PLCXD3: variants seen among roughly 807,000 people sequenced by gnomAD.
PLCXD3 encodes phosphatidylinositol specific phospholipase C X domain containing 3, also known as PI-PLC X domain-containing protein 3.
PLCXD3 carries 19 observed loss-of-function variants against 25.5 expected under a neutral mutation model. That is an observed-to-expected ratio of 0.75 (90% CI 0.52 to 1.09). The LOEUF is 1.09. PLCXD3 is among the 50% of genes least tolerant of loss of function. The probability of loss-of-function intolerance (pLI) is 0.00; values close to 1 mark genes in which losing one functional copy is unlikely to be tolerated. For missense variants in PLCXD3, 411 were observed against 388.1 expected, an observed-to-expected ratio of 1.06 and a Z score of -0.50; for synonymous variants, 174 against 137.6, an observed-to-expected ratio of 1.26 and a Z score of -1.85.
chr5:41,447,082 G>C (rs1193429174), intron 1 of PLCXD3, among the ~76,000 whole-genome samples: 1 of 152,160 alleles, frequency 6.6e-6, no homozygotes, highest in Non-Finnish European at 1.5e-5. Flanking sequence ...AGGTCAGAAA[G>C]CGTCATGAAG....
rs1744433744 is a variant in PLCXD3 at position 41,350,677 on chromosome 5, G to A, written c.812+31149C>T. Among the ~76,000 whole-genome samples the A allele has an allele frequency of 2.0e-5, 3 of 152,240 alleles. No individual in the cohort carries two copies. In the South Asian group the frequency reaches 6.2e-4, roughly 32 times the overall value. ...CAATTCTTTCCCAAGACAAGGTCAA[G>A]AAAAATTTCCCGAGTGTCCACCTAG... is the stretch of plus-strand genomic sequence containing the variant. On this transcript the variant is annotated intron_variant, in intron 2 of 2. Transcript: ENST00000377801.
chr5:41,470,537 A>G (rs1222447648), intron 1 of PLCXD3, among the ~76,000 whole-genome samples: 1 of 152,074 alleles, frequency 6.6e-6, no homozygotes, highest in Non-Finnish European at 1.5e-5. Flanking sequence ...TCCCCCTAAA[A>G]CTGAAAGGAG....
chr5:41,367,823 G>A (rs1295767076), intron 2 of PLCXD3, among the ~76,000 whole-genome samples: 9 of 152,068 alleles, frequency 5.9e-5, no homozygotes, highest in Non-Finnish European at 8.8e-5. Flanking sequence ...TGTATATGGC[G>A]TAAAGAAGGG....
intron 1 of PLCXD3, among the ~76,000 whole-genome samples, chr5:41,388,488 T>C (rs950511794): frequency 3.9e-5 from 6 of 152,120 alleles, no homozygotes; most frequent in Non-Finnish European, 8.8e-5. Flanking sequence ...CTGCCCTGAA[T>C]GGTACCCTCA....
intron 1 of PLCXD3, among the ~76,000 whole-genome samples, chr5:41,482,051 A>C (rs141319818): frequency 5.6e-4 from 86 of 152,260 alleles, no homozygotes; most frequent in Non-Finnish European, 1.1e-3. Context: ...GAAAATGAAA[A>C]GTGAAGTTCT....
intron 2 of PLCXD3, among the ~76,000 whole-genome samples, chr5:41,343,713 A>G (rs892104758): frequency 3.3e-5 from 5 of 152,166 alleles, no homozygotes; most frequent in African/African-American, 1.2e-4. Context: ...GAAAACAGAG[A>G]ATATCTTCAG....
In PLCXD3 at chr5:41,463,820, C is replaced by T. The variant is rs113915804; in HGVS notation, c.103+46604G>A. On this transcript the variant is annotated intron_variant, in intron 1 of 2. Transcript: ENST00000377801. ...TTCACTACGAATGGCCTTTACCTTC[C>T]TTGTTTCCTTCTTTTCTGCCAATCA... Among the ~76,000 whole-genome samples the T allele has an allele frequency of 9.3e-4, 142 of 151,926 alleles. 3 individuals carry two copies. The highest frequency in any genetic ancestry group is 3.4e-3 in the Middle Eastern group (1 of 294).
intron 1 of PLCXD3, among the ~76,000 whole-genome samples, chr5:41,469,097 T>C (rs1330561168): frequency 6.6e-6 from 1 of 152,192 alleles, no homozygotes; most frequent in South Asian, 2.1e-4. Context: ...AGTTGTTAAA[T>C]TTTATCAAAT....
intron 2 of PLCXD3, among the ~76,000 whole-genome samples, chr5:41,321,393 G>A (rs886750742): frequency 1.3e-5 from 2 of 151,950 alleles, no homozygotes; most frequent in African/African-American, 4.8e-5. Context: ...AAGTGAAAGA[G>A]CTCTATAATG....
intron 1 of PLCXD3, among the ~76,000 whole-genome samples, chr5:41,426,874 T>G (rs1468759112): frequency 7.2e-5 from 11 of 152,154 alleles, no homozygotes; most frequent in Non-Finnish European, 1.3e-4. Context: ...TATTTTGTGC[T>G]CATTTAATAA....
intron 2 of PLCXD3, among the ~76,000 whole-genome samples, chr5:41,373,417 A>T (rs1274070438): frequency 6.6e-6 from 1 of 152,122 alleles, no homozygotes; most frequent in African/African-American, 2.4e-5. Flanking sequence ...CTTATTTATA[A>T]ATGCAAACGT....
chr5:41,405,051 G>T (rs540237942), intron 1 of PLCXD3, among the ~76,000 whole-genome samples: 1 of 152,132 alleles, frequency 6.6e-6, no homozygotes, highest in South Asian at 2.1e-4. Flanking sequence ...CTGTTCTTTG[G>T]CTCAATGCTT....
At chr5:41,375,489 A>G (rs1745266116) in intron 2 of PLCXD3, among the ~76,000 whole-genome samples, 1 of 152,092 alleles carries the variant, frequency 6.6e-6, no homozygotes, top group Non-Finnish European at 1.5e-5. Context: ...GCAATCAATT[A>G]GCATTCCTCT....
At chr5:41,458,617 T>C (rs1747806935) in intron 1 of PLCXD3, among the ~76,000 whole-genome samples, 1 of 151,908 alleles carries the variant, frequency 6.6e-6, no homozygotes, top group South Asian at 2.1e-4. Context: ...TTAAAGTGAG[T>C]GGCCAGGGCA....
At chr5:41,490,851 G>A (rs1282597788) in intron 1 of PLCXD3, among the ~76,000 whole-genome samples, 1 of 152,154 alleles carries the variant, frequency 6.6e-6, no homozygotes, top group East Asian at 1.9e-4. Context: ...CTTGCTAGAA[G>A]TCTATCAATT....
rs150740716 is a variant in PLCXD3, at chr5:41,312,586, T to TCTTC, written c.*1027_*1030dup. 1 of 130,020 alleles carries TCTTC rather than the reference T, an allele frequency of 7.7e-6. No individual in the cohort carries two copies. The highest frequency in any genetic ancestry group is 1.6e-5 in the Non-Finnish European group (1 of 61,932). The allele number at this position is 130,020 out of a possible 1,614,324, so 8.1% of individuals were successfully genotyped here. ...CCCTCTCTTCCTCCCTCCCTCCCTC[T>TCTTC]CTTCCTTCCTTCCTTCCTCCCTTCC... On this transcript the variant is annotated 3_prime_UTR_variant, in exon 3 of 3. Transcript: ENST00000377801.
intron 1 of PLCXD3, among the ~76,000 whole-genome samples, chr5:41,484,670 T>A (rs1196076017): frequency 6.6e-6 from 1 of 152,160 alleles, no homozygotes; most frequent in Non-Finnish European, 1.5e-5. Context: ...GCCCAGGTAA[T>A]CCCAACCTGT....
chr5:41,349,466 T>C (rs761356918), intron 2 of PLCXD3, among the ~76,000 whole-genome samples: 25 of 152,224 alleles, frequency 1.6e-4, no homozygotes, highest in Non-Finnish European at 3.2e-4. Flanking sequence ...CTTTTCCTTG[T>C]ATTAAATTCT....
In PLCXD3 at chr5:41,488,226, A is replaced by G. The variant is rs1349417619; in HGVS notation, c.103+22198T>C. Reference sequence around the variant, plus strand: ...AGTTTACTGAGAATGATGATTTCCAATTTCATCCATGTCCCTACAAAGGAC... The same window carrying G: ...AGTTTACTGAGAATGATGATTTCCAGTTTCATCCATGTCCCTACAAAGGAC... On this transcript the variant is annotated intron_variant, in intron 1 of 2. Transcript: ENST00000377801. Among the ~76,000 whole-genome samples, 5 of 148,602 alleles carry G rather than the reference A, an allele frequency of 3.4e-5. No homozygotes were observed. The East Asian group carries it at 7.9e-4, about 24-fold the overall frequency.
Sources: gnomAD v4.1 joint callset for allele counts (sites outside exome capture counted in the v4.1 genomes callset) on GRCh38, gnomAD v4.1.1 for gene constraint, MANE v1.5 for transcripts, NCBI Gene and HGNC (gene_info 2026-07-23, HGNC 2026-07-21) for gene names.